Variants in NHSL2 observed in about 807,000 individuals in gnomAD.
NHSL2 encodes NHS-like protein 2.
A neutral mutation model predicts 53.4 loss-of-function variants in NHSL2; 27 were observed. The observed-to-expected ratio is 0.51, with a 90% CI of 0.37 to 0.70. The LOEUF (loss-of-function observed/expected upper bound fraction) is 0.70, where lower values mean the gene tolerates loss of function less well. Ranked by LOEUF, NHSL2 falls within the 30% of genes least tolerant of loss-of-function variation. The probability of loss-of-function intolerance (pLI) is 0.00; values close to 1 mark genes in which losing one functional copy is unlikely to be tolerated. For missense variants in NHSL2, 892 were observed against 980.1 expected, an observed-to-expected ratio of 0.91 and a Z score of 1.20; for synonymous variants, 408 against 404.1, an observed-to-expected ratio of 1.01 and a Z score of -0.12.
At position 71,976,765 on chromosome X, in the gene NHSL2, CTG is replaced by C. The variant is rs1569468333; in HGVS notation, c.280+65400_280+65401del. ...GACTCCAGATCTGTCTGACTAAAGC[CTG>C]TTGTCTTTCCACTAGACCGTAGAGA... On this transcript the variant is annotated intron_variant, in intron 1 of 7. Transcript: ENST00000633930. 2.7e-5 allele frequency among the ~76,000 whole-genome samples: 3 copies of C among 112,408 alleles called. 1 individual carries two copies. In the Admixed American group the frequency reaches 2.8e-4, roughly 11 times the overall value.
intron 1 of NHSL2, among the ~76,000 whole-genome samples, chrX:71,975,300 A>G (rs1038718291): frequency 9.0e-6 from 1 of 111,346 alleles, no homozygotes; most frequent in Non-Finnish European, 1.9e-5. Flanking sequence ...TTTTATCAAG[A>G]TATCACTCTT....
intron 1 of NHSL2, among the ~76,000 whole-genome samples, chrX:71,954,015 A>G (rs2041831798): frequency 8.9e-6 from 1 of 112,240 alleles, no homozygotes; most frequent in Non-Finnish European, 1.9e-5. Flanking sequence ...GGAAGCATTC[A>G]TAAACATTTT....
At chrX:72,118,827 A>T (rs1172639973) in intron 1 of NHSL2, among the ~76,000 whole-genome samples, 1 of 112,218 alleles carries the variant, frequency 8.9e-6, no homozygotes, top group Non-Finnish European at 1.9e-5. Flanking sequence ...TACTAATGTC[A>T]TATCTAAGAA....
At chrX:72,102,917 G>A (rs767941463) in intron 1 of NHSL2, among the ~76,000 whole-genome samples, 5 of 112,001 alleles carry the variant, frequency 4.5e-5, no homozygotes, top group African/African-American at 1.3e-4. Context: ...GCTCCTACCT[G>A]GAAATGATTA....
intron 1 of NHSL2, among the ~76,000 whole-genome samples, chrX:72,011,172 G>A (rs139097310): frequency 0.015 from 1,689 of 111,877 alleles, 8 homozygotes; most frequent in Middle Eastern, 0.023. Context: ...CCATGGCATG[G>A]ATGTATCAAA....
chrX:72,076,177 C>A (rs1265526541), intron 1 of NHSL2, among the ~76,000 whole-genome samples: 1 of 111,299 alleles, frequency 9.0e-6, no homozygotes, highest in African/African-American at 3.3e-5. Flanking sequence ...AGGTGATCTG[C>A]CTGCCTTGGC....
intron 1 of NHSL2, among the ~76,000 whole-genome samples, chrX:71,917,239 C>T (rs1304772191): frequency 1.1e-5 from 1 of 89,226 alleles, no homozygotes; most frequent in Non-Finnish European, 2.2e-5. Flanking sequence ...CTCTTCCTCC[C>T]TCCCTTCCTC....
intron 1 of NHSL2, among the ~76,000 whole-genome samples, chrX:72,006,004 G>T (rs1296110778): frequency 8.9e-6 from 1 of 111,845 alleles, no homozygotes; most frequent in Admixed American, 9.4e-5. Flanking sequence ...GGGAGAAGGT[G>T]TTGGGAAAGT....
chrX:72,086,357 G>C (rs2041843973), intron 1 of NHSL2, among the ~76,000 whole-genome samples: 1 of 112,003 alleles, frequency 8.9e-6, no homozygotes, highest in Non-Finnish European at 1.9e-5. Context: ...GGGGGTCACA[G>C]GGAGGCGCAG....
At chrX:71,914,905 A>G (rs2041620953) in intron 1 of NHSL2, among the ~76,000 whole-genome samples, 1 of 108,595 alleles carries the variant, frequency 9.2e-6, no homozygotes, top group Non-Finnish European at 1.9e-5. Context: ...TGGAACAGGC[A>G]CTCAGCCAGG....
intron 1 of NHSL2, among the ~76,000 whole-genome samples, chrX:71,930,991 G>A (rs907743991): frequency 2.9e-4 from 33 of 112,165 alleles, no homozygotes; most frequent in African/African-American, 9.7e-4. Context: ...TTCTACAGAG[G>A]CTGCACCATT....
At chrX:72,012,070 T>C (rs1023480782) in intron 1 of NHSL2, among the ~76,000 whole-genome samples, 2 of 112,006 alleles carry the variant, frequency 1.8e-5, no homozygotes, top group East Asian at 2.8e-4. Flanking sequence ...TCTGAAGCTT[T>C]TTCTCATCCT....
At chrX:72,080,146 C>T (rs1412092998) in intron 1 of NHSL2, 1 of 112,156 alleles carries the variant, frequency 8.9e-6, no homozygotes, top group Non-Finnish European at 1.9e-5. Flanking sequence ...CAGTGTGGAG[C>T]CCGTCGGCTC....
Position 71,941,030 on chromosome X carries a change from AG to A in NHSL2, c.280+29666del, listed in dbSNP as rs765033423. On this transcript the variant is annotated intron_variant, in intron 1 of 7. Coordinates refer to ENST00000633930, the MANE Select transcript of NHSL2 (RefSeq NM_001013627.3). ...AGTAAGAAAGGTGCGGATGTCGGTAAGGGAGTAGTTAAAATGATTGACTCAT... is the reference window on the plus strand; with the variant it reads ...AGTAAGAAAGGTGCGGATGTCGGTAAGGAGTAGTTAAAATGATTGACTCAT... 2.7e-5 allele frequency among the ~76,000 whole-genome samples: 3 copies of A among 111,872 alleles called. No homozygotes were observed. In the East Asian group the frequency reaches 8.5e-4, roughly 32 times the overall value.
At chrX:72,058,730 C>T (rs369758961) in intron 1 of NHSL2, among the ~76,000 whole-genome samples, 3 of 112,478 alleles carry the variant, frequency 2.7e-5, no homozygotes, top group East Asian at 5.6e-4. Context: ...CCAGAAAATC[C>T]TCATTGTAAA....
chrX:71,937,073 G>A (rs1306090569), intron 1 of NHSL2, among the ~76,000 whole-genome samples: 1 of 111,832 alleles, frequency 8.9e-6, no homozygotes, highest in Non-Finnish European at 1.9e-5. Flanking sequence ...GATTCAAACC[G>A]AGCTCTTTTT....
chrX:72,066,863 C>G lies in NHSL2; in HGVS notation c.281-65216C>G, dbSNP rs1284722358. ...ACTGCTTTGAGGCTGGATGTGATAG[C>G]TCACAGGTGTAATCCCAGTACTTTG... is the stretch of plus-strand genomic sequence containing the variant. On this transcript the variant is annotated intron_variant, in intron 1 of 7. Coordinates refer to ENST00000633930, the MANE Select transcript of NHSL2 (RefSeq NM_001013627.3). Among the ~76,000 whole-genome samples, 3 of 112,120 alleles carry G rather than the reference C, an allele frequency of 2.7e-5. No individual in the cohort carries two copies. The East Asian group carries it at 8.3e-4, about 31-fold the overall frequency.
At chrX:72,134,978 G>A (rs1392319349) in intron 4 of NHSL2, among the ~76,000 whole-genome samples, 1 of 112,697 alleles carries the variant, frequency 8.9e-6, no homozygotes, top group Non-Finnish European at 1.9e-5. Context: ...AAAGCCTTAT[G>A]AACTTCTGTG....
intron 1 of NHSL2, among the ~76,000 whole-genome samples, chrX:72,117,088 G>A (rs967805401): frequency 5.4e-5 from 6 of 110,361 alleles, no homozygotes; most frequent in Non-Finnish European, 1.1e-4. Flanking sequence ...GATGATTGGG[G>A]TGGGCATGTG....
Sources: gnomAD v4.1 joint callset for allele counts (sites outside exome capture counted in the v4.1 genomes callset) on GRCh38, gnomAD v4.1.1 for gene constraint, MANE v1.5 for transcripts, NCBI Gene and HGNC (gene_info 2026-07-23, HGNC 2026-07-21) for gene names.